Variants in FTO observed in about 807,000 individuals in gnomAD.
FTO encodes alpha-ketoglutarate-dependent dioxygenase FTO.
In FTO, 47 loss-of-function variants were observed where a neutral mutation model predicts 63.9. The ratio of observed to expected loss-of-function variants is 0.74; its 90% CI spans 0.58 to 0.94. The LOEUF is 0.94. Among genes scored for constraint, FTO ranks in the 40% least tolerant of loss-of-function variants. The pLI is 0.00. For synonymous variants in FTO, 207 were observed against 224.4 expected, an observed-to-expected ratio of 0.92 and a Z score of 0.69; for missense variants, 562 against 618.1, an observed-to-expected ratio of 0.91 and a Z score of 0.96.
chr16:54,085,504 AT>A (rs1463104508), intron 8 of FTO, among the ~76,000 whole-genome samples: 1 of 152,158 alleles, frequency 6.6e-6, no homozygotes, highest in African/African-American at 2.4e-5. Flanking sequence ...GGCCAAAATC[AT>A]ATTTGCCTTT....
chr16:54,061,794 C>G (rs957447645), intron 8 of FTO: 1 of 152,240 alleles, frequency 6.6e-6, no homozygotes, highest in Non-Finnish European at 1.5e-5. Flanking sequence ...TGTGACTGCC[C>G]TGGTGAACAG....
intron 1 of FTO, among the ~76,000 whole-genome samples, chr16:53,809,001 C>T (rs1009499359): frequency 6.6e-6 from 1 of 152,168 alleles, no homozygotes; most frequent in Non-Finnish European, 1.5e-5. Flanking sequence ...GCCACGTACA[C>T]ACGAAAACTC....
chr16:53,812,729 G>A (rs1008015157), intron 2 of FTO, among the ~76,000 whole-genome samples: 2 of 152,152 alleles, frequency 1.3e-5, no homozygotes, highest in African/African-American at 4.8e-5. Flanking sequence ...CAGGGATTTG[G>A]CATCTGGAAA....
At chr16:53,828,547 C>CTCA (rs1256568713) in intron 3 of FTO, among the ~76,000 whole-genome samples, 2 of 152,184 alleles carry the variant, frequency 1.3e-5, no homozygotes, top group South Asian at 2.1e-4. Flanking sequence ...AGAACTCCAT[C>CTCA]TAATAATAAT....
At chr16:53,923,023 G>T (rs1053861126) in intron 7 of FTO, 1 of 152,144 alleles carries the variant, frequency 6.6e-6, no homozygotes, top group African/African-American at 2.4e-5. Context: ...TAGAATGCAC[G>T]TAATAGTGAC....
intron 8 of FTO, among the ~76,000 whole-genome samples, chr16:54,104,698 T>C (rs1239855723): frequency 1.3e-5 from 2 of 152,178 alleles, no homozygotes; most frequent in African/African-American, 4.8e-5. Context: ...TCAAACAGAC[T>C]CCTACTCAGC....
intron 7 of FTO, among the ~76,000 whole-genome samples, chr16:53,925,332 G>T (rs2082113619): frequency 6.6e-6 from 1 of 152,158 alleles, no homozygotes; most frequent in Non-Finnish European, 1.5e-5. Flanking sequence ...AAGTGTTGGG[G>T]GTGACATTTT....
At chr16:54,056,582 C>T (rs191851345) in intron 8 of FTO, among the ~76,000 whole-genome samples, 5 of 152,310 alleles carry the variant, frequency 3.3e-5, no homozygotes, top group East Asian at 3.9e-4. Flanking sequence ...GGACTACTCA[C>T]GCTGGGAGAA....
intron 1 of FTO, among the ~76,000 whole-genome samples, chr16:53,791,327 G>A (rs965986894): frequency 6.6e-6 from 1 of 152,196 alleles, no homozygotes; most frequent in Non-Finnish European, 1.5e-5. Context: ...GTAACCTTAA[G>A]TAGGCAGGAT....
intron 8 of FTO, among the ~76,000 whole-genome samples, chr16:54,103,114 G>T (rs2144602066): frequency 6.6e-6 from 1 of 152,240 alleles, no homozygotes; most frequent in South Asian, 2.1e-4. Context: ...GTGCCACTGT[G>T]CTCCAGCCTG....
intron 3 of FTO, among the ~76,000 whole-genome samples, chr16:53,838,933 T>A (rs151156428): frequency 0.01 from 1,595 of 152,326 alleles, 13 homozygotes; most frequent in Non-Finnish European, 0.015. Flanking sequence ...ATTATGTATG[T>A]TATTAAATAT....
rs10629683 is a variant in FTO, at chr16:53,843,829, T to TTA, written c.752-326_752-325insTA. Among the ~76,000 whole-genome samples, 82 of 151,532 alleles carry TTA rather than the reference T, an allele frequency of 5.4e-4. 1 individual carries two copies. Among genetic ancestry groups the TTA allele is most frequent in the South Asian group, 5.0e-3 (24 of 4,806 alleles). On this transcript the variant is annotated intron_variant, in intron 3 of 8. Coordinates refer to ENST00000471389, the MANE Select transcript of FTO (RefSeq NM_001080432.3). ...ATTTTTAAAAAGTAATTTTTTTTTT[T>TTA]AATAGAGATGGGGGTCTTGATTTCT...
chr16:53,969,398 G>C (rs1187803792), intron 8 of FTO, among the ~76,000 whole-genome samples: 2 of 152,148 alleles, frequency 1.3e-5, no homozygotes, highest in African/African-American at 4.8e-5. Context: ...TCCAGGAGCT[G>C]TCCCTCAGCC....
chr16:54,092,028 G>A (rs2086395559), intron 8 of FTO, among the ~76,000 whole-genome samples: 1 of 152,232 alleles, frequency 6.6e-6, no homozygotes, highest in African/African-American at 2.4e-5. Flanking sequence ...TGTAATCCCA[G>A]CACTTTGGGA....
At chr16:54,034,620 A>G (rs559382853) in intron 8 of FTO, among the ~76,000 whole-genome samples, 1 of 152,300 alleles carries the variant, frequency 6.6e-6, no homozygotes, top group South Asian at 2.1e-4. Context: ...TGAACATAAG[A>G]CCAGGTAATA....
At chr16:54,083,693 C>G (rs2086200660) in intron 8 of FTO, among the ~76,000 whole-genome samples, 1 of 152,136 alleles carries the variant, frequency 6.6e-6, no homozygotes, top group African/African-American at 2.4e-5. Flanking sequence ...CATTATGGAG[C>G]CTATTTGAGA....
At chr16:53,938,028 A>G (rs946151592) in intron 8 of FTO, 1 of 152,238 alleles carries the variant, frequency 6.6e-6, no homozygotes, top group African/African-American at 2.4e-5. Flanking sequence ...TGAAGAAGTC[A>G]GAATGAGAAT....
At chr16:54,093,500 TCTC>T (rs2086444410) in intron 8 of FTO, among the ~76,000 whole-genome samples, 2 of 152,136 alleles carry the variant, frequency 1.3e-5, no homozygotes, top group Non-Finnish European at 2.9e-5. Context: ...CTTGCTGTGT[TCTC>T]CTGACTCACC....
chr16:54,011,908 C>T (rs1828166433), intron 8 of FTO, among the ~76,000 whole-genome samples: 1 of 152,152 alleles, frequency 6.6e-6, no homozygotes, highest in Non-Finnish European at 1.5e-5. Flanking sequence ...CTTCATCTCT[C>T]TCCCTCTCCT....
Sources: gnomAD v4.1 joint callset for allele counts (sites outside exome capture counted in the v4.1 genomes callset) on GRCh38, gnomAD v4.1.1 for gene constraint, MANE v1.5 for transcripts, NCBI Gene and HGNC (gene_info 2026-07-23, HGNC 2026-07-21) for gene names.